The following DNM3 variants were observed in gnomAD, a reference collection of about 807,000 sequenced individuals.
DNM3 encodes dynamin 3.
Under a neutral mutation model 101.6 loss-of-function variants are expected in DNM3, and 47 were observed. The ratio of observed to expected loss-of-function variants is 0.46; its 90% CI spans 0.37 to 0.59. The LOEUF is 0.59. DNM3 is among the 20% of genes least tolerant of loss of function. The pLI is 0.00. For missense variants in DNM3, 849 were observed against 1,085.7 expected, an observed-to-expected ratio of 0.78 and a Z score of 3.06; for synonymous variants, 385 against 387.9, an observed-to-expected ratio of 0.99 and a Z score of 0.09.
chr1:172,127,425 T>C (rs1197415251), intron 13 of DNM3, among the ~76,000 whole-genome samples: 14 of 145,288 alleles, frequency 9.6e-5, no homozygotes, highest in African/African-American at 3.6e-4. Context: ...ATTATTATTA[T>C]TGAGGCAGAG....
intron 1 of DNM3, among the ~76,000 whole-genome samples, chr1:171,896,042 C>A (rs978393401): frequency 1.3e-5 from 2 of 152,128 alleles, no homozygotes; most frequent in Admixed American, 6.5e-5. Context: ...GTTACCGTAG[C>A]CTTGTAGTAT....
intron 4 of DNM3, among the ~76,000 whole-genome samples, chr1:172,013,997 C>T (rs768070468): frequency 6.6e-6 from 1 of 152,086 alleles, no homozygotes; most frequent in Admixed American, 6.6e-5. Context: ...TCATCCCCAC[C>T]GTGTGCAACC....
At chr1:172,043,114 G>A (rs1393220099) in intron 8 of DNM3, among the ~76,000 whole-genome samples, 1 of 152,152 alleles carries the variant, frequency 6.6e-6, no homozygotes, top group Non-Finnish European at 1.5e-5. Flanking sequence ...TAGCTTTCCA[G>A]TAAAAGTGCC....
chr1:172,388,693 T>C lies in DNM3; in HGVS notation c.2406T>C (p.Ala802=), dbSNP rs773818294. The change falls in exon 20 of 21, where the codon GCT becomes GCC. Residue 802 remains alanine, a synonymous_variant. Transcript: ENST00000627582. ...CCTCTCCTGGCCCCCACTCTGGGGC[T>C]CCTCCAGTCCCATTCCGTCCAGGCC... ...AIPSPGPHSG[A]PPVPFRPGPL... is the part of the protein sequence containing the mutation. 1.9e-6 allele frequency: 3 copies of C among 1,613,852 alleles called. No individual in the cohort carries two copies. The highest frequency in any genetic ancestry group is 2.2e-5 in the East Asian group (1 of 44,844).
At chr1:171,978,193 G>A (rs905666369) in intron 2 of DNM3, among the ~76,000 whole-genome samples, 9 of 152,054 alleles carry the variant, frequency 5.9e-5, no homozygotes, top group African/African-American at 1.9e-4. Context: ...GATGAAGACA[G>A]ACAATAAAAA....
intron 7 of DNM3, among the ~76,000 whole-genome samples, chr1:172,039,709 GC>G (rs1437712837): frequency 2.6e-5 from 4 of 151,944 alleles, no homozygotes; most frequent in African/African-American, 9.7e-5. Context: ...GGCTGATTCA[GC>G]TCCTTCTTTA....
At chr1:172,036,896 T>A (rs941560390) in intron 6 of DNM3, among the ~76,000 whole-genome samples, 11 of 152,020 alleles carry the variant, frequency 7.2e-5, no homozygotes, top group African/African-American at 2.7e-4. Flanking sequence ...AACCTACTCA[T>A]CTGACAAAGG....
chr1:172,105,535 C>A (rs531585271), intron 13 of DNM3, among the ~76,000 whole-genome samples: 4 of 152,252 alleles, frequency 2.6e-5, no homozygotes, highest in Admixed American at 2.0e-4. Flanking sequence ...GTTTTAATAA[C>A]TGCTAGGTTT....
intron 17 of DNM3, among the ~76,000 whole-genome samples, chr1:172,366,041 G>A (rs1000506863): frequency 2.6e-5 from 4 of 151,784 alleles, no homozygotes; most frequent in Admixed American, 2.6e-4. Flanking sequence ...ACCAGCCTGG[G>A]CAACATCACA....
intron 2 of DNM3, among the ~76,000 whole-genome samples, chr1:171,922,048 T>C (rs2040212501): frequency 6.6e-6 from 1 of 152,138 alleles, no homozygotes; most frequent in Admixed American, 6.6e-5. Flanking sequence ...CTTAAAAAAA[T>C]GTTTTATTGC....
At chr1:171,916,763 C>G (rs2039745899) in intron 1 of DNM3, among the ~76,000 whole-genome samples, 1 of 152,174 alleles carries the variant, frequency 6.6e-6, no homozygotes, top group Admixed American at 6.5e-5. Flanking sequence ...CCTGTTCCCA[C>G]AGAAAATAGA....
rs75706371 is a variant in DNM3, at chr1:171,932,661, A to G, written c.235+10840A>G. On this transcript the variant is annotated intron_variant, in intron 2 of 20. Transcript: ENST00000627582. ...CAAACTCCTTATTGCTGATCTTAAA[A>G]GCCGTTGCATTTTAAACTTTTTAAT... 3.7e-4 allele frequency among the ~76,000 whole-genome samples: 56 copies of G among 152,318 alleles called. No homozygotes were observed. In the East Asian group the frequency reaches 0.011, roughly 29 times the overall value.
chr1:172,123,774 A>G (rs2056458509), intron 13 of DNM3, among the ~76,000 whole-genome samples: 1 of 152,188 alleles, frequency 6.6e-6, no homozygotes, highest in African/African-American at 2.4e-5. Context: ...CTCAACCCTC[A>G]GCGGTATTGC....
intron 17 of DNM3, among the ~76,000 whole-genome samples, chr1:172,375,739 G>A (rs1020828437): frequency 2.6e-5 from 4 of 151,440 alleles, no homozygotes; most frequent in African/African-American, 7.3e-5. Context: ...TTAAAAGAAA[G>A]CTTTTAAATT....
intron 17 of DNM3, among the ~76,000 whole-genome samples, chr1:172,361,994 C>T (rs2067766758): frequency 6.6e-6 from 1 of 151,992 alleles, no homozygotes; most frequent in South Asian, 2.1e-4. Context: ...TCTTCCATCA[C>T]ATCTGTCCCT....
intron 8 of DNM3, among the ~76,000 whole-genome samples, chr1:172,042,871 GT>G (rs1405480534): frequency 6.6e-6 from 1 of 152,156 alleles, no homozygotes; most frequent in African/African-American, 2.4e-5. Flanking sequence ...AAGCAGTAAT[GT>G]GACTTGATTT....
intron 14 of DNM3, among the ~76,000 whole-genome samples, chr1:172,213,540 C>T (rs1320828002): frequency 1.0e-5 from 1 of 100,224 alleles, no homozygotes; most frequent in Non-Finnish European, 1.8e-5. Flanking sequence ...AAAAAAAAAG[C>T]CTATTGGTGG....
intron 13 of DNM3, among the ~76,000 whole-genome samples, chr1:172,130,411 T>A (rs900508573): frequency 2.0e-5 from 3 of 152,136 alleles, no homozygotes; most frequent in Non-Finnish European, 4.4e-5. Context: ...TTCCTTAAAT[T>A]ATATAAATAC....
At chr1:172,335,206 G>T (rs1479242242) in intron 17 of DNM3, among the ~76,000 whole-genome samples, 2 of 152,138 alleles carry the variant, frequency 1.3e-5, no homozygotes, top group Non-Finnish European at 2.9e-5. Context: ...AGATAAGACA[G>T]TCGAAGCTAA....
Sources: allele counts gnomAD v4.1 joint callset (sites outside exome capture counted in the v4.1 genomes callset), GRCh38; gene constraint gnomAD v4.1.1; transcripts MANE v1.5; gene names NCBI Gene and HGNC (gene_info 2026-07-23, HGNC 2026-07-21).